Variants in ELAPOR2 observed in about 807,000 individuals in gnomAD.
ELAPOR2 encodes the protein endosome/lysosome-associated apoptosis and autophagy regulator family member 2.
ELAPOR2 carries 89 observed loss-of-function variants against 120.7 expected under a neutral mutation model. The ratio of observed to expected loss-of-function variants is 0.74; its 90% confidence interval spans 0.62 to 0.88. The LOEUF (loss-of-function observed/expected upper bound fraction) is 0.88, where lower values mean the gene tolerates loss of function less well. Ranked by LOEUF, ELAPOR2 falls within the 40% of genes least tolerant of loss-of-function variation. ELAPOR2 has a pLI of 0.00. For synonymous variants in ELAPOR2, 444 were observed against 444.9 expected (o/e 1.00, Z 0.03); for missense variants, 1,134 against 1,251.6 (o/e 0.91, Z 1.42).
In ELAPOR2 at chr7:86,994,203, C is replaced by T. The variant is rs186095025; in HGVS notation, c.190-29179G>A. Among the ~76,000 whole-genome samples, 3 of 152,250 alleles carry T rather than the reference C, an allele frequency of 2.0e-5. No homozygotes were observed. The East Asian group carries it at 5.8e-4, about 29-fold the overall frequency. ...TTTACTTTATACACAGAGGGAAGGG[C>T]AAAAACATAACCTCAGAAATGAGAT... On this transcript the variant is annotated intron_variant, in intron 1 of 21. Coordinates refer to ENST00000450689, the MANE Select transcript of ELAPOR2 (RefSeq NM_001142749.3).
intron 1 of ELAPOR2, among the ~76,000 whole-genome samples, chr7:87,040,842 G>A (rs1478978362): frequency 1.3e-5 from 2 of 152,148 alleles, no homozygotes; most frequent in East Asian, 3.9e-4. Flanking sequence ...TCAAACCAAA[G>A]GCAAAGAAGT....
chr7:86,955,648 GA>G (rs1337601218), intron 2 of ELAPOR2, among the ~76,000 whole-genome samples: 10 of 152,084 alleles, frequency 6.6e-5, no homozygotes, highest in Non-Finnish European at 1.3e-4. Context: ...TTTGATCACA[GA>G]ATGAATAAAT....
chr7:87,051,618 A>G (rs1463035301), intron 1 of ELAPOR2, among the ~76,000 whole-genome samples: 1 of 152,326 alleles, frequency 6.6e-6, no homozygotes, highest in East Asian at 1.9e-4. Flanking sequence ...AAAGGGGTTA[A>G]TTTGTTGAAG....
intron 10 of ELAPOR2, among the ~76,000 whole-genome samples, chr7:86,922,423 A>T (rs1379507345): frequency 6.6e-6 from 1 of 151,806 alleles, no homozygotes; most frequent in African/African-American, 2.4e-5. Context: ...AATTTTAAAG[A>T]CAAATTTAAA....
At chr7:86,890,267 T>C (rs1788083927) in intron 21 of ELAPOR2, among the ~76,000 whole-genome samples, 1 of 152,008 alleles carries the variant, frequency 6.6e-6, no homozygotes, top group Admixed American at 6.6e-5. Context: ...ATAGAAAATT[T>C]CCTTGGAATA....
chr7:87,058,177 C>T (rs1253344624), intron 1 of ELAPOR2, among the ~76,000 whole-genome samples: 1 of 152,070 alleles, frequency 6.6e-6, no homozygotes, highest in Non-Finnish European at 1.5e-5. Context: ...GAGAGAAAGA[C>T]GAAAATCCAT....
At chr7:86,937,054 T>A (rs1271407319) in intron 8 of ELAPOR2, among the ~76,000 whole-genome samples, 1 of 152,110 alleles carries the variant, frequency 6.6e-6, no homozygotes, top group Non-Finnish European at 1.5e-5. Flanking sequence ...CCTCTCTGCA[T>A]ATATTTTCTA....
chr7:87,011,678 T>G (rs75170880), intron 1 of ELAPOR2, among the ~76,000 whole-genome samples: 210 of 152,344 alleles, frequency 1.4e-3, no homozygotes, highest in East Asian at 0.012. Flanking sequence ...AACAACCACC[T>G]ATAATGAGAA....
intron 6 of ELAPOR2, among the ~76,000 whole-genome samples, chr7:86,939,369 G>A (rs1021200880): frequency 2.6e-5 from 4 of 151,896 alleles, no homozygotes; most frequent in African/African-American, 9.7e-5. Context: ...TTCTCCTCTG[G>A]TTTGTAATTC....
At chr7:86,955,498 G>C (rs1354115746) in intron 2 of ELAPOR2, among the ~76,000 whole-genome samples, 1 of 152,002 alleles carries the variant, frequency 6.6e-6, no homozygotes, top group Non-Finnish European at 1.5e-5. Context: ...GGCTGGAAGA[G>C]GAGAAAGGAA....
chr7:87,045,563 T>A (rs1043561473), intron 1 of ELAPOR2, among the ~76,000 whole-genome samples: 6 of 137,972 alleles, frequency 4.3e-5, no homozygotes, highest in Non-Finnish European at 9.1e-5. Context: ...AACAGTGAGA[T>A]CACATGGACA....
chr7:86,958,742 G>A (rs1791580522), intron 2 of ELAPOR2, among the ~76,000 whole-genome samples: 1 of 152,204 alleles, frequency 6.6e-6, no homozygotes, highest in Non-Finnish European at 1.5e-5. Flanking sequence ...GAGCCTCAGA[G>A]AATTAACATA....
At chr7:86,970,959 T>C (rs1366658095) in intron 1 of ELAPOR2, among the ~76,000 whole-genome samples, 1 of 152,216 alleles carries the variant, frequency 6.6e-6, no homozygotes, top group African/African-American at 2.4e-5. Context: ...TATGCCACTG[T>C]GTAGACTCTG....
chr7:86,924,297 T>C (rs1305381203), intron 10 of ELAPOR2, among the ~76,000 whole-genome samples: 1 of 151,856 alleles, frequency 6.6e-6, no homozygotes, highest in African/African-American at 2.4e-5. Context: ...AAATCAAGTA[T>C]TTCCAGAGTT....
intron 19 of ELAPOR2, among the ~76,000 whole-genome samples, chr7:86,896,873 A>G (rs1030647935): frequency 1.3e-5 from 2 of 152,162 alleles, no homozygotes. Context: ...TTCTAATAAT[A>G]AACTAACAAA....
At chr7:86,892,508 C>G (rs1329653763) in intron 20 of ELAPOR2, among the ~76,000 whole-genome samples, 2 of 151,994 alleles carry the variant, frequency 1.3e-5, no homozygotes, top group South Asian at 2.1e-4. Flanking sequence ...TGCCTATACA[C>G]TAGGTCTGGT....
intron 8 of ELAPOR2, among the ~76,000 whole-genome samples, chr7:86,936,974 C>T (rs919455265): frequency 2.0e-5 from 3 of 152,010 alleles, no homozygotes; most frequent in Non-Finnish European, 4.4e-5. Context: ...ATTAATAAGG[C>T]AGGTTTAGCC....
At chr7:86,943,152 T>G (rs575564856) in intron 4 of ELAPOR2, among the ~76,000 whole-genome samples, 6 of 152,086 alleles carry the variant, frequency 3.9e-5, no homozygotes, top group African/African-American at 1.4e-4. Context: ...AATATACCTT[T>G]AATGGTCAAC....
intron 1 of ELAPOR2, among the ~76,000 whole-genome samples, chr7:87,009,003 T>C (rs1562966135): frequency 6.6e-6 from 1 of 152,174 alleles, no homozygotes; most frequent in Non-Finnish European, 1.5e-5. Flanking sequence ...ACTGGATTTA[T>C]GACAATTTGA....
Sources: allele counts gnomAD v4.1 joint callset (sites outside exome capture counted in the v4.1 genomes callset), GRCh38; gene constraint gnomAD v4.1.1; transcripts MANE v1.5; gene names NCBI Gene and HGNC (gene_info 2026-07-23, HGNC 2026-07-21).